Variants in JMJD1C observed in about 807,000 individuals in gnomAD.
JMJD1C encodes jumonji domain containing 1C.
In JMJD1C, 31 loss-of-function variants were observed where a neutral mutation model predicts 245.3. That is an observed-to-expected ratio of 0.13 (90% CI 0.09 to 0.17). The LOEUF is 0.17. JMJD1C is among the 10% of genes least tolerant of loss of function. JMJD1C has a pLI of 1.00. For missense variants in JMJD1C, 2,691 were observed against 3,000.2 expected, an observed-to-expected ratio of 0.90 and a Z score of 2.41; for synonymous variants, 1,057 against 1,017.4, an observed-to-expected ratio of 1.04 and a Z score of -0.74.
At chr10:63,203,102 T>C in intron 10 of JMJD1C, 1 of 985,122 alleles carries the variant, frequency 1.0e-6, no homozygotes, top group Non-Finnish European at 1.2e-6. Flanking sequence ...AAAGAATAAA[T>C]GAGTACAAAG....
chr10:63,172,597 G>A (rs1842473691), intron 24 of JMJD1C, among the ~76,000 whole-genome samples: 1 of 151,976 alleles, frequency 6.6e-6, no homozygotes, highest in African/African-American at 2.4e-5. Context: ...CAAGCAAAGT[G>A]AGTAAATTAT....
At chr10:63,326,421 T>G (rs548849151) in intron 2 of JMJD1C, among the ~76,000 whole-genome samples, 29 of 140,140 alleles carry the variant, frequency 2.1e-4, no homozygotes, top group African/African-American at 7.1e-4. Context: ...AATAAATAAA[T>G]AAATAAAGAT....
At chr10:63,298,186 G>A (rs1042002341) in intron 2 of JMJD1C, among the ~76,000 whole-genome samples, 9 of 152,188 alleles carry the variant, frequency 5.9e-5, no homozygotes, top group Non-Finnish European at 1.2e-4. Flanking sequence ...CTCTGCTCCT[G>A]GCTCGCCCTT....
intron 1 of JMJD1C, among the ~76,000 whole-genome samples, chr10:63,395,653 G>C (rs188375809): frequency 6.6e-6 from 1 of 152,132 alleles, no homozygotes; most frequent in African/African-American, 2.4e-5. Context: ...ACCTGTACAT[G>C]AATGTTTAAA....
chr10:63,416,854 A>G (rs1274027737), intron 1 of JMJD1C, among the ~76,000 whole-genome samples: 3 of 152,178 alleles, frequency 2.0e-5, no homozygotes, highest in African/African-American at 7.2e-5. Flanking sequence ...TTCCTTTGGT[A>G]AAAACTAAAC....
chr10:63,271,908 T>A (rs1331835181), intron 2 of JMJD1C, among the ~76,000 whole-genome samples: 1 of 151,830 alleles, frequency 6.6e-6, no homozygotes, highest in African/African-American at 2.4e-5. Flanking sequence ...ACCCCGTTTG[T>A]ACTAAAAATA....
At position 63,168,512 on chromosome 10, in the gene JMJD1C, G is replaced by A; in HGVS notation, c.7456C>T (p.His2486Tyr). The change falls in exon 25 of 26, where the codon CAT becomes TAT. Residue 2486 changes from histidine (H) to tyrosine (Y), a missense_variant. By Grantham distance (83) the His-to-Tyr change is moderately conservative. Transcript: ENST00000399262. Reference sequence around the variant, plus strand: ...GTTAAATGAAATGACTCTACAAGATGTTCTGGAGACACAAAATCTTCAGTT... The same window carrying A: ...GTTAAATGAAATGACTCTACAAGATATTCTGGAGACACAAAATCTTCAGTT... ...QVTEDFVSPEHLVESFHLTQE... is the reference protein window; with the variant it reads ...QVTEDFVSPEYLVESFHLTQE... The A allele has an allele frequency of 1.9e-6, 3 of 1,609,340 alleles. No homozygotes were observed. The highest frequency in any genetic ancestry group is 2.2e-5 in the South Asian group (2 of 90,400).
chr10:63,238,034 A>AAAG (rs1850968585), intron 3 of JMJD1C, among the ~76,000 whole-genome samples: 1 of 113,218 alleles, frequency 8.8e-6, no homozygotes, highest in African/African-American at 3.5e-5. Flanking sequence ...AAAAAAAAAA[A>AAAG]GCCGGGTATG....
At chr10:63,465,452 G>T in intron 1 of JMJD1C, 43 bp downstream of exon 1, 1 of 1,533,952 alleles carries the variant, frequency 6.5e-7, no homozygotes, top group Non-Finnish European at 8.8e-7. Flanking sequence ...CGAGAGCCGG[G>T]TGCGGGCGCG....
At chr10:63,278,698 G>A (rs939608333) in intron 2 of JMJD1C, among the ~76,000 whole-genome samples, 4 of 151,910 alleles carry the variant, frequency 2.6e-5, no homozygotes, top group Middle Eastern at 3.4e-3. Flanking sequence ...AATTAGTCAG[G>A]CATGGTGACA....
In JMJD1C at chr10:63,465,475, G is replaced by A. The variant is rs746935324; in HGVS notation, c.168+20C>T. Reference sequence around the variant, plus strand: ...GGGTGCGGGCGCGGCAGGGGAAAAGGGGGGCGCTGACTCTCTTACCGCCAG... The same window carrying A: ...GGGTGCGGGCGCGGCAGGGGAAAAGAGGGGCGCTGACTCTCTTACCGCCAG... On this transcript the variant is annotated intron_variant, in intron 1 of 25. Transcript: ENST00000399262. The A allele has an allele frequency of 1.9e-6, 3 of 1,583,600 alleles. No individual in the cohort carries two copies. Among genetic ancestry groups the A allele is most frequent in the East Asian group, 4.5e-5 (2 of 44,254 alleles).
At chr10:63,462,320 A>G (rs780544130) in intron 1 of JMJD1C, among the ~76,000 whole-genome samples, 3 of 152,240 alleles carry the variant, frequency 2.0e-5, no homozygotes, top group Non-Finnish European at 2.9e-5. Context: ...TTAGAAAGTA[A>G]TATCACTATA....
intron 8 of JMJD1C, among the ~76,000 whole-genome samples, chr10:63,213,256 A>G (rs1438400632): frequency 2.0e-5 from 3 of 151,926 alleles, no homozygotes; most frequent in Non-Finnish European, 4.4e-5. Context: ...TACAATCTAA[A>G]AAGTTTTACT....
At chr10:63,477,623 G>C (rs1371760008) in intron 1 of JMJD1C, among the ~76,000 whole-genome samples, 1 of 149,728 alleles carries the variant, frequency 6.7e-6, no homozygotes, top group Non-Finnish European at 1.5e-5. Flanking sequence ...ACTTAAAATG[G>C]AGCATAGATC....
intron 2 of JMJD1C, among the ~76,000 whole-genome samples, chr10:63,328,120 C>CA (rs1193047552): frequency 2.0e-5 from 3 of 151,896 alleles, no homozygotes; most frequent in Non-Finnish European, 4.4e-5. Context: ...ACTAAAAATA[C>CA]AAAAATTAGC....
intron 3 of JMJD1C, among the ~76,000 whole-genome samples, chr10:63,256,876 A>G (rs181560319): frequency 2.1e-4 from 32 of 152,358 alleles, no homozygotes; most frequent in South Asian, 8.3e-4. Context: ...GATGCATATG[A>G]AAAGTCAGGG....
intron 1 of JMJD1C, among the ~76,000 whole-genome samples, chr10:63,408,718 T>C (rs1302660916): frequency 6.6e-6 from 1 of 151,940 alleles, no homozygotes; most frequent in Admixed American, 6.6e-5. Flanking sequence ...GGGTGGTTTT[T>C]TTTTTTTTAA....
chr10:63,398,217 G>T (rs1196007550), intron 1 of JMJD1C, among the ~76,000 whole-genome samples: 2 of 152,052 alleles, frequency 1.3e-5, no homozygotes, highest in Admixed American at 1.3e-4. Flanking sequence ...TCCACATATT[G>T]CAACTGTTTG....
upstream of JMJD1C, among the ~76,000 whole-genome samples, chr10:63,469,797 C>T (rs911800934): frequency 6.6e-6 from 1 of 151,942 alleles, no homozygotes; most frequent in Non-Finnish European, 1.5e-5. Flanking sequence ...ATAGATAGGG[C>T]TAAGAATCGT....
Sources: allele counts gnomAD v4.1 joint callset (sites outside exome capture counted in the v4.1 genomes callset), GRCh38; gene constraint gnomAD v4.1.1; transcripts MANE v1.5; gene names NCBI Gene and HGNC (gene_info 2026-07-23, HGNC 2026-07-21).